PCDHGB1: variants seen among roughly 807,000 people sequenced by gnomAD.
The protein encoded by PCDHGB1 is protocadherin gamma subfamily B, 1.
A neutral mutation model predicts 56.6 loss-of-function variants in PCDHGB1; 34 were observed. That is an observed-to-expected ratio of 0.60 (90% CI 0.46 to 0.80). The LOEUF is 0.80. Among genes scored for constraint, PCDHGB1 ranks in the 30% least tolerant of loss-of-function variants. The pLI, the probability that PCDHGB1 is intolerant of heterozygous loss-of-function variation, is 0.00. For synonymous variants in PCDHGB1, 561 were observed against 505.9 expected, an observed-to-expected ratio of 1.11 and a Z score of -1.46; for missense variants, 1,278 against 1,204.6, an observed-to-expected ratio of 1.06 and a Z score of -0.90.
intron 1 of PCDHGB1, among the ~76,000 whole-genome samples, chr5:141,475,204 A>G (rs2099360413): frequency 6.6e-6 from 1 of 152,176 alleles, no homozygotes; most frequent in African/African-American, 2.4e-5. Flanking sequence ...AGATCTTGGG[A>G]AAAGGATTGA....
chr5:141,397,961 G>C, intron 1 of PCDHGB1: 2 of 1,038,400 alleles, frequency 1.9e-6, no homozygotes, highest in Non-Finnish European at 2.7e-6. Context: ...CCCCAGCTCA[G>C]ACTCCCCAGC....
At chr5:141,375,397 C>G (rs751405619) in intron 1 of PCDHGB1, 3 of 1,613,892 alleles carry the variant, frequency 1.9e-6, no homozygotes, top group East Asian at 4.5e-5. Flanking sequence ...AAACAATCAT[C>G]TCTCTAAATG....
At chr5:141,413,877 G>GAC (rs751994783) in intron 1 of PCDHGB1, 1 of 1,613,386 alleles carries the variant, frequency 6.2e-7, no homozygotes. Flanking sequence ...TTGTCAGTGT[G>GAC]ACTGTCTTCG....
At chr5:141,397,627 T>C (rs2093547800) in intron 1 of PCDHGB1, among the ~76,000 whole-genome samples, 1 of 152,224 alleles carries the variant, frequency 6.6e-6, no homozygotes, top group African/African-American at 2.4e-5. Context: ...TAGTTCTAGC[T>C]AAGAGTTCAA....
chr5:141,361,999 C>T, intron 1 of PCDHGB1: 2 of 1,603,024 alleles, frequency 1.2e-6, no homozygotes, highest in East Asian at 2.2e-5. Context: ...CCTGGGGTTG[C>T]GCACGGGTGA....
In PCDHGB1 at chr5:141,350,900, G is replaced by A. The variant is rs773546410; in HGVS notation, c.640G>A (p.Gly214Ser). ...SHRLILTAMDGGDPPLSGTTH... is the reference protein window; with the variant it reads ...SHRLILTAMDSGDPPLSGTTH... ...TCGCTTAATCCTGACTGCCATGGAT[G>A]GCGGGGACCCGCCTCTAAGCGGCAC... Residue 214 changes from glycine (G) to serine (S), a missense_variant, in exon 1 of 4, where the codon GGC becomes AGC. Coordinates refer to ENST00000523390, the MANE Select transcript of PCDHGB1 (RefSeq NM_018922.3). The A allele has an allele frequency of 6.2e-7, 1 of 1,614,042 alleles. No individual in the cohort carries two copies. Among genetic ancestry groups the A allele is most frequent in the Admixed American group, 1.7e-5 (1 of 60,036 alleles).
In PCDHGB1 at chr5:141,410,925, C is replaced by T. The variant is rs576126485; in HGVS notation, c.2409+58256C>T. The T allele has an allele frequency of 2.3e-5, 5 of 217,506 alleles. No individual in the cohort carries two copies. The East Asian group carries it at 5.8e-4, about 25-fold the overall frequency. 13.5% of individuals were successfully genotyped at this position (217,506 alleles called of 1,614,324 possible). Reference sequence around the variant, plus strand: ...CTGGAGTGCAGTGGCGTGATCTCTGCTCACTGCAACCTCCGCCTTCTGGGT... The same window carrying T: ...CTGGAGTGCAGTGGCGTGATCTCTGTTCACTGCAACCTCCGCCTTCTGGGT... On this transcript the variant is annotated intron_variant, in intron 1 of 3. Coordinates refer to ENST00000523390, the MANE Select transcript of PCDHGB1 (RefSeq NM_018922.3).
At chr5:141,500,184 T>TTATA (rs530565701) in intron 2 of PCDHGB1, among the ~76,000 whole-genome samples, 2 of 135,886 alleles carry the variant, frequency 1.5e-5, no homozygotes, top group Non-Finnish European at 3.2e-5. Flanking sequence ...TCATTTTTAT[T>TTATA]TTTATTTATT....
chr5:141,414,413 C>T, intron 1 of PCDHGB1: 1 of 1,613,830 alleles, frequency 6.2e-7, no homozygotes. Flanking sequence ...ATACACAGAG[C>T]CCTTGACAGG....
chr5:141,418,819 A>T (rs1285247926), intron 1 of PCDHGB1: 1 of 1,613,868 alleles, frequency 6.2e-7, no homozygotes, highest in African/African-American at 1.3e-5. Context: ...TAAACATAGA[A>T]GCAAAAGACC....
rs1190379074 is a variant in PCDHGB1 at position 141,352,458 on chromosome 5, C to T, written c.2198C>T (p.Pro733Leu). The change falls in exon 1 of 4, where the codon CCC (proline) becomes CTC (leucine). Residue 733 changes from proline to leucine, a missense_variant. Pro to Leu is a moderately conservative substitution (Grantham distance 98). Coordinates refer to ENST00000523390, the MANE Select transcript of PCDHGB1 (RefSeq NM_018922.3). Reference protein sequence around the residue: ...FQTGLCSKSGPGVPPNHSEGT... With the variant: ...FQTGLCSKSGLGVPPNHSEGT... ...ACCGGTCTCTGCTCCAAGTCTGGGC[C>T]CGGGGTTCCTCCCAACCACAGCGAG... The T allele has an allele frequency of 3.1e-6, 5 of 1,613,938 alleles. No individual in the cohort carries two copies. The African/African-American group carries it at 6.7e-5, about 22-fold the overall frequency.
At chr5:141,401,561 T>A (rs1436115390) in intron 1 of PCDHGB1, among the ~76,000 whole-genome samples, 1 of 152,230 alleles carries the variant, frequency 6.6e-6, no homozygotes, top group Non-Finnish European at 1.5e-5. Flanking sequence ...ATTGCCTGAA[T>A]TTCTCTTGCT....
At chr5:141,441,709 C>T in intron 1 of PCDHGB1, 1 of 321,306 alleles carries the variant, frequency 3.1e-6, no homozygotes, top group Non-Finnish European at 6.1e-6. Flanking sequence ...TTCAAGCTCA[C>T]GCTGCAGGCC....
At chr5:141,354,764 G>GA (rs1350368707) in intron 1 of PCDHGB1, among the ~76,000 whole-genome samples, 1 of 151,990 alleles carries the variant, frequency 6.6e-6, no homozygotes, top group African/African-American at 2.4e-5. Flanking sequence ...CACATCTTAG[G>GA]AAAAAAATCG....
intron 1 of PCDHGB1, among the ~76,000 whole-genome samples, chr5:141,456,166 G>A (rs531975607): frequency 6.6e-6 from 1 of 152,148 alleles, no homozygotes; most frequent in African/African-American, 2.4e-5. Flanking sequence ...TAAAGTGCTG[G>A]GATTACAGAA....
At chr5:141,457,607 T>C (rs578113551) in intron 1 of PCDHGB1, among the ~76,000 whole-genome samples, 2 of 152,360 alleles carry the variant, frequency 1.3e-5, no homozygotes, top group African/African-American at 4.8e-5. Context: ...AAACTAATTA[T>C]GAATGAACTT....
intron 1 of PCDHGB1, chr5:141,371,995 C>G: frequency 1.2e-6 from 2 of 1,613,264 alleles, no homozygotes; most frequent in Non-Finnish European, 1.7e-6. Context: ...ACTCTGCAGG[C>G]CCGCGACCAG....
chr5:141,370,388 G>C (rs10052885), intron 1 of PCDHGB1: 2 of 1,542,252 alleles, frequency 1.3e-6, no homozygotes, highest in South Asian at 1.3e-5. Context: ...AAGGCGCAGA[G>C]AGCGGGATGG....
chr5:141,427,664 C>T (rs760682962), intron 1 of PCDHGB1: 11 of 775,778 alleles, frequency 1.4e-5, no homozygotes, highest in East Asian at 1.0e-4. Context: ...TCCACGTGGC[C>T]GAAAACAACC....
Sources: allele counts gnomAD v4.1 joint callset (sites outside exome capture counted in the v4.1 genomes callset), GRCh38; gene constraint gnomAD v4.1.1; transcripts MANE v1.5; gene names NCBI Gene and HGNC (gene_info 2026-07-23, HGNC 2026-07-21).